Variants in DOCK3 observed in about 807,000 individuals in gnomAD.
DOCK3 encodes the protein dedicator of cytokinesis 3, also known as dedicator of cytokinesis protein 3.
In DOCK3, 60 loss-of-function variants were observed where a neutral mutation model predicts 265.6. The observed-to-expected ratio is 0.23, with a 90% CI of 0.18 to 0.28. DOCK3 has a LOEUF of 0.28. Ranked by LOEUF, DOCK3 falls within the 10% of genes least tolerant of loss-of-function variation. The probability of loss-of-function intolerance (pLI) is 1.00; values close to 1 mark genes in which losing one functional copy is unlikely to be tolerated. For missense variants in DOCK3, 1,981 were observed against 2,594.3 expected (o/e 0.76, Z 5.14); for synonymous variants, 881 against 938.0 (o/e 0.94, Z 1.11).
At chr3:51,341,130 C>T (rs779501415) in intron 37 of DOCK3, 107 bp from the exon 38 acceptor site, 2 of 1,374,626 alleles carry the variant, frequency 1.5e-6, no homozygotes, top group African/African-American at 2.9e-5. Flanking sequence ...CTGGGCTGCA[C>T]ATGACTTGCG....
chr3:51,110,906 T>C (rs1000547103), intron 9 of DOCK3, among the ~76,000 whole-genome samples: 9 of 152,206 alleles, frequency 5.9e-5, no homozygotes, highest in Non-Finnish European at 1.2e-4. Context: ...TGTTTTCAGA[T>C]GACATGGTTC....
intron 9 of DOCK3, among the ~76,000 whole-genome samples, chr3:51,116,412 CTG>C (rs2083741758): frequency 8.2e-6 from 1 of 121,874 alleles, no homozygotes; most frequent in Non-Finnish European, 1.6e-5. Context: ...GATCGCGCCA[CTG>C]TACTCCAGCC....
At position 50,719,796 on chromosome 3, in the gene DOCK3, A is replaced by G. The variant is rs890248112; in HGVS notation, c.37+44496A>G. The G allele has an allele frequency of 1.8e-5, 15 of 833,354 alleles. No homozygotes were observed. The Admixed American group carries it at 2.6e-4, about 14-fold the overall frequency. The allele number at this position is 833,354 out of a possible 1,614,324, so 51.6% of individuals were successfully genotyped here. A position where few individuals can be genotyped will look rare whatever the true frequency, so the allele number is the denominator to read the frequency against. The stretch of plus-strand genomic sequence containing the variant: ...GTGTGTGAAGTCACTACCCTGACAC[A>G]TAAACTCTGGAATAATTCTGTGAAA... On this transcript the variant is annotated intron_variant, in intron 1 of 52. Coordinates refer to ENST00000266037, the MANE Select transcript of DOCK3 (RefSeq NM_004947.5).
At chr3:50,887,661 C>A (rs998706909) in intron 3 of DOCK3, among the ~76,000 whole-genome samples, 5 of 108,696 alleles carry the variant, frequency 4.6e-5, no homozygotes, top group African/African-American at 1.5e-4. Context: ...AAAAGCTTAT[C>A]CACCATGATC....
Position 51,239,570 on chromosome 3 carries a change from G to T in DOCK3, c.2102+1980G>T, listed in dbSNP as rs12053961. On this transcript the variant is annotated intron_variant, in intron 21 of 52. Coordinates refer to ENST00000266037, the MANE Select transcript of DOCK3 (RefSeq NM_004947.5). ...CTGGTCCTGGGTTTTTTTTTTGTTT[G>T]TTTGTTTTTTGTTTTTTTTGTTTTT... is the stretch of plus-strand genomic sequence containing the variant. Among the ~76,000 whole-genome samples the T allele has an allele frequency of 4.0e-3, 499 of 123,224 alleles. 15 individuals are homozygous for T. The South Asian group carries it at 0.081, about 20-fold the overall frequency. 80.8% of individuals were successfully genotyped at this position (123,224 alleles called of 152,430 possible). A position where few individuals can be genotyped will look rare whatever the true frequency, so the allele number is the denominator to read the frequency against.
intron 9 of DOCK3, among the ~76,000 whole-genome samples, chr3:51,113,559 C>G (rs1001836233): frequency 4.6e-5 from 7 of 152,186 alleles, no homozygotes; most frequent in African/African-American, 1.4e-4. Context: ...CTGCTGACAG[C>G]TTCCCTTGGA....
In DOCK3 at chr3:50,702,743, T is replaced by C. The variant is rs914990354; in HGVS notation, c.37+27443T>C. Among the ~76,000 whole-genome samples the C allele has an allele frequency of 1.3e-5, 2 of 152,080 alleles. 1 individual carries two copies. The highest frequency in any genetic ancestry group is 2.9e-5 in the Non-Finnish European group (2 of 68,004). On this transcript the variant is annotated intron_variant, in intron 1 of 52. Transcript: ENST00000266037. ...ATCTGTTCTAAGACTTTTTTTTTTT[T>C]CCTGTAGTTTCCAGCTTTTTCTGTG...
chr3:51,200,049 A>G (rs1016458889), intron 12 of DOCK3, among the ~76,000 whole-genome samples: 1 of 152,104 alleles, frequency 6.6e-6, no homozygotes, highest in Non-Finnish European at 1.5e-5. Context: ...ACCATCATCA[A>G]AGACCAAAAG....
chr3:51,291,475 A>G (rs1172262714), intron 27 of DOCK3, among the ~76,000 whole-genome samples: 1 of 152,180 alleles, frequency 6.6e-6, no homozygotes, highest in Non-Finnish European at 1.5e-5. Context: ...AAATAATTAT[A>G]TGCCGGCAGA....
chr3:51,262,104 C>T (rs766669344), intron 23 of DOCK3, among the ~76,000 whole-genome samples: 1 of 152,228 alleles, frequency 6.6e-6, no homozygotes, highest in Non-Finnish European at 1.5e-5. Flanking sequence ...CCCTTACCCC[C>T]GTGCCTCCTG....
chr3:50,754,895 C>T (rs2040065267), intron 1 of DOCK3, among the ~76,000 whole-genome samples: 1 of 152,104 alleles, frequency 6.6e-6, no homozygotes, highest in Non-Finnish European at 1.5e-5. Context: ...ATGTGTAAAG[C>T]AGCTTGGTTT....
chr3:51,163,678 T>C (rs1174469189), intron 12 of DOCK3, among the ~76,000 whole-genome samples: 6 of 152,156 alleles, frequency 3.9e-5, no homozygotes, highest in Non-Finnish European at 1.5e-5. Flanking sequence ...ACAAGATGGC[T>C]TTGAATATGT....
chr3:50,859,210 GTTTTTTTTTTT>G (rs138539454), intron 3 of DOCK3, among the ~76,000 whole-genome samples: 3 of 69,222 alleles, frequency 4.3e-5, no homozygotes, highest in African/African-American at 6.4e-5. Flanking sequence ...AACTGGTATG[GTTTTTTTTTTT>G]TTTTTTTTTT....
chr3:50,723,949 C>G (rs1486469052), intron 1 of DOCK3, among the ~76,000 whole-genome samples: 1 of 152,142 alleles, frequency 6.6e-6, no homozygotes, highest in Non-Finnish European at 1.5e-5. Flanking sequence ...ATCTATCCAT[C>G]TGACAAAGAG....
chr3:50,804,529 G>C (rs1046889922), intron 2 of DOCK3, among the ~76,000 whole-genome samples: 2 of 152,150 alleles, frequency 1.3e-5, no homozygotes, highest in African/African-American at 4.8e-5. Flanking sequence ...TCACGTTTAG[G>C]AGCTGGAGAC....
intron 5 of DOCK3, among the ~76,000 whole-genome samples, chr3:50,955,726 A>G (rs1255373762): frequency 6.6e-6 from 1 of 152,158 alleles, no homozygotes. Context: ...AAGAATAACT[A>G]TTGGGCACTA....
intron 12 of DOCK3, among the ~76,000 whole-genome samples, chr3:51,184,812 A>G (rs1310841908): frequency 6.6e-6 from 1 of 152,206 alleles, no homozygotes. Flanking sequence ...AACTACAGTG[A>G]AGAAACCTGA....
chr3:50,870,672 G>T (rs968095053), intron 3 of DOCK3, among the ~76,000 whole-genome samples: 1 of 151,828 alleles, frequency 6.6e-6, no homozygotes, highest in Non-Finnish European at 1.5e-5. Flanking sequence ...TGGTTGTTTT[G>T]TTGTCTTCTC....
Position 51,361,763 on chromosome 3 carries a change from G to C in DOCK3, c.5007-96G>C. ...GGAACCCTCCAAACCGGTGGTAGCT[G>C]AAACCAGGGATGACTATTCCACACA... On this transcript the variant is annotated intron_variant, in intron 47 of 52. Coordinates refer to ENST00000266037, the MANE Select transcript of DOCK3 (RefSeq NM_004947.5). This position sits in a 1 kb window ranked among gnomAD's most constrained non-coding sequence, Gnocchi z 4.2. 4 of 1,483,416 alleles carry C rather than the reference G, an allele frequency of 2.7e-6. No homozygotes were observed. The South Asian group carries it at 5.4e-5, about 20-fold the overall frequency. The allele number at this position is 1,483,416 out of a possible 1,614,324, so 91.9% of individuals were successfully genotyped here.
Sources: allele counts gnomAD v4.1 joint callset (sites outside exome capture counted in the v4.1 genomes callset), GRCh38; gene constraint gnomAD v4.1.1; non-coding constraint Gnocchi (gnomAD v3.1); transcripts MANE v1.5; gene names NCBI Gene and HGNC (gene_info 2026-07-23, HGNC 2026-07-21).